The following SLC9A2 variants were observed in gnomAD, a reference collection of about 807,000 sequenced individuals.
SLC9A2 encodes sodium/hydrogen exchanger 2.
A neutral mutation model predicts 71.7 loss-of-function variants in SLC9A2; 42 were observed. That is an observed-to-expected ratio of 0.59 (90% confidence interval 0.46 to 0.76). The LOEUF (loss-of-function observed/expected upper bound fraction) is 0.76. SLC9A2 is among the 30% of genes least tolerant of loss of function. The pLI, the probability that SLC9A2 is intolerant of heterozygous loss-of-function variation, is 0.00. For synonymous variants in SLC9A2, 396 were observed against 392.5 expected (o/e 1.01, Z -0.10); for missense variants, 829 against 1,017.4 (o/e 0.81, Z 2.52).
chr2:102,687,131 C>T (rs1677561683), intron 5 of SLC9A2, among the ~76,000 whole-genome samples: 1 of 152,178 alleles, frequency 6.6e-6, no homozygotes, highest in African/African-American at 2.4e-5. Context: ...TGCTGCGGTT[C>T]CACTTGTGTT....
intron 1 of SLC9A2, among the ~76,000 whole-genome samples, chr2:102,621,794 C>G (rs1451121683): frequency 6.6e-6 from 1 of 152,194 alleles, no homozygotes; most frequent in Non-Finnish European, 1.5e-5. Context: ...GCAGAGAACA[C>G]TTCCTCATGC....
intron 1 of SLC9A2, among the ~76,000 whole-genome samples, chr2:102,656,695 A>G (rs1676950305): frequency 6.6e-6 from 1 of 152,200 alleles, no homozygotes. Flanking sequence ...ATAAATTGCC[A>G]ATGTTTCTGA....
chr2:102,702,309 T>A (rs1677886971), intron 8 of SLC9A2, 97 bp from the exon 9 acceptor site: 1 of 689,206 alleles, frequency 1.5e-6, no homozygotes, highest in Non-Finnish European at 2.5e-6. Flanking sequence ...TTTTTACAAA[T>A]TAAGACTTGT....
At chr2:102,629,193 A>C (rs183431605) in intron 1 of SLC9A2, among the ~76,000 whole-genome samples, 1 of 152,132 alleles carries the variant, frequency 6.6e-6, no homozygotes, top group Admixed American at 6.5e-5. Context: ...AATTGTTTCA[A>C]TTTTTGCTTT....
chr2:102,690,832 T>C (rs542303797), intron 5 of SLC9A2, among the ~76,000 whole-genome samples: 1 of 152,180 alleles, frequency 6.6e-6, no homozygotes, highest in South Asian at 2.1e-4. Context: ...TTTTAATACA[T>C]GAAAATCGTT....
intron 1 of SLC9A2, among the ~76,000 whole-genome samples, chr2:102,643,239 C>T (rs1676646209): frequency 6.6e-6 from 1 of 152,158 alleles, no homozygotes; most frequent in South Asian, 2.1e-4. Flanking sequence ...CATTATCACC[C>T]AGCAGAGAAG....
intron 5 of SLC9A2, among the ~76,000 whole-genome samples, chr2:102,692,573 TC>T (rs566677002): frequency 2.3e-3 from 348 of 152,280 alleles, no homozygotes; most frequent in African/African-American, 8.0e-3. Flanking sequence ...TCTCACCCCC[TC>T]CTTACCTGCC....
chr2:102,708,041 A>T, intron 11 of SLC9A2, 78 bp from the exon 12 acceptor site: 2 of 1,470,396 alleles, frequency 1.4e-6, no homozygotes, highest in Non-Finnish European at 1.8e-6. Flanking sequence ...CAGTTGCCTG[A>T]CTCACTAAGG....
intron 11 of SLC9A2, 107 bp from the exon 12 acceptor site, chr2:102,708,012 C>A: frequency 8.0e-7 from 1 of 1,242,600 alleles, no homozygotes; most frequent in South Asian, 1.4e-5. Flanking sequence ...TCCCCTCTCC[C>A]CAGAGCCCCA....
At chr2:102,659,333 T>C (rs1677008317) in intron 2 of SLC9A2, among the ~76,000 whole-genome samples, 1 of 151,280 alleles carries the variant, frequency 6.6e-6, no homozygotes, top group Non-Finnish European at 1.5e-5. Flanking sequence ...CCCAGCTACT[T>C]GGGAGGCTGA....
intron 7 of SLC9A2, 97 bp downstream of exon 7, chr2:102,695,210 C>A: frequency 1.1e-6 from 1 of 874,998 alleles, no homozygotes; most frequent in Non-Finnish European, 1.9e-6. Flanking sequence ...GGAAATCTTT[C>A]CTGTGTTGTA....
chr2:102,640,006 T>C (rs796359586), intron 1 of SLC9A2, among the ~76,000 whole-genome samples: 2 of 152,316 alleles, frequency 1.3e-5, no homozygotes, highest in African/African-American at 4.8e-5. Flanking sequence ...GAAAGGTTGG[T>C]ACTAGGATTG....
intron 5 of SLC9A2, among the ~76,000 whole-genome samples, chr2:102,690,951 C>G (rs1214235858): frequency 1.1e-4 from 11 of 102,472 alleles, no homozygotes; most frequent in African/African-American, 3.1e-4. Context: ...CAACACAAAA[C>G]AAGAACTCAT....
At chr2:102,648,428 C>T (rs933763639) in intron 1 of SLC9A2, among the ~76,000 whole-genome samples, 10 of 152,110 alleles carry the variant, frequency 6.6e-5, no homozygotes, top group African/African-American at 1.4e-4. Context: ...CTTTGAAAAC[C>T]GGCACAAGAC....
chr2:102,681,117 A>G (rs995349603), intron 3 of SLC9A2, among the ~76,000 whole-genome samples: 2 of 152,226 alleles, frequency 1.3e-5, no homozygotes, highest in Admixed American at 6.5e-5. Context: ...GGAGATGGAT[A>G]CAAACAGGCT....
intron 1 of SLC9A2, among the ~76,000 whole-genome samples, chr2:102,639,370 T>C (rs7572046): frequency 0.063 from 9,634 of 152,300 alleles, 946 homozygotes; most frequent in African/African-American, 0.21. Context: ...TTGTTTTGCT[T>C]CTTATTTTTG....
rs140382759 is a variant in SLC9A2 at position 102,659,243 on chromosome 2, A to G, written c.753+1216A>G. 9.9e-3 allele frequency among the ~76,000 whole-genome samples: 1,492 copies of G among 150,002 alleles called. 23 individuals carry two copies. The highest frequency in any genetic ancestry group is 0.035 in the African/African-American group (1,431 of 40,528). On this transcript the variant is annotated intron_variant, in intron 2 of 11. Transcript: ENST00000233969. Reference sequence around the variant, plus strand: ...CAGGAGCTCGAGACAAGCCTGACCGACATGGTGAAACCCTGTCTCTACTAA... The same window carrying G: ...CAGGAGCTCGAGACAAGCCTGACCGGCATGGTGAAACCCTGTCTCTACTAA...
chr2:102,636,589 A>C (rs536531779), intron 1 of SLC9A2, among the ~76,000 whole-genome samples: 34 of 152,346 alleles, frequency 2.2e-4, no homozygotes, highest in African/African-American at 7.9e-4. Flanking sequence ...GGAAAGCTTT[A>C]TATGGCTTAA....
chr2:102,689,206 C>T (rs1006642371), intron 5 of SLC9A2, among the ~76,000 whole-genome samples: 23 of 152,110 alleles, frequency 1.5e-4, no homozygotes, highest in African/African-American at 5.3e-4. Flanking sequence ...AAGGGACCCG[C>T]GATGGATGTC....
Sources: gnomAD v4.1 joint callset for allele counts (sites outside exome capture counted in the v4.1 genomes callset) on GRCh38, gnomAD v4.1.1 for gene constraint, MANE v1.5 for transcripts, NCBI Gene and HGNC (gene_info 2026-07-23, HGNC 2026-07-21) for gene names.